Variants in CALCOCO1 observed in about 807,000 individuals in gnomAD.
CALCOCO1 encodes calcium-binding and coiled-coil domain-containing protein 1.
In CALCOCO1, 44 loss-of-function variants were observed where a neutral mutation model predicts 86.3. The observed-to-expected ratio is 0.51, with a 90% confidence interval of 0.40 to 0.66. The LOEUF (loss-of-function observed/expected upper bound fraction) is 0.66, where lower values mean the gene tolerates loss of function less well. Ranked by LOEUF, CALCOCO1 falls within the 30% of genes least tolerant of loss-of-function variation. CALCOCO1 has a pLI of 0.00. For synonymous variants in CALCOCO1, 297 were observed against 327.6 expected (o/e 0.91, Z 1.01); for missense variants, 708 against 851.1 (o/e 0.83, Z 2.09).
At chr12:53,717,626 A>G (rs1319372084) in intron 7 of CALCOCO1, among the ~76,000 whole-genome samples, 1 of 152,284 alleles carries the variant, frequency 6.6e-6, no homozygotes, top group East Asian at 1.9e-4. Context: ...TTTTTTAACA[A>G]TCTTCCACAT....
intron 13 of CALCOCO1, 117 bp downstream of exon 13, chr12:53,713,584 T>G: frequency 1.0e-6 from 1 of 973,050 alleles, no homozygotes. Context: ...GAGGATCGCT[T>G]CAGCCCAGGA....
intron 9 of CALCOCO1, chr12:53,715,527 G>A (rs929461631): frequency 2.7e-6 from 2 of 736,208 alleles, no homozygotes; most frequent in Non-Finnish European, 4.4e-6. Flanking sequence ...ATCAGGAATG[G>A]GCATTATGGC....
At position 53,719,951 on chromosome 12, in the gene CALCOCO1, T is replaced by C. The variant is rs566327720; in HGVS notation, c.759-122A>G. On this transcript the variant is annotated intron_variant, in intron 6 of 14. Coordinates refer to ENST00000550804, the MANE Select transcript of CALCOCO1 (RefSeq NM_020898.3). ...CCCAGAGCTCCATTTCACTCTGGGA[T>C]GCATAAATCCCCAAGCCAGCTGATC... The C allele has an allele frequency of 1.4e-5, 8 of 590,684 alleles. No individual in the cohort carries two copies. The East Asian group carries it at 2.3e-4, about 17-fold the overall frequency. The allele number at this position is 590,684 out of a possible 1,614,324, so 36.6% of individuals were successfully genotyped here. A position where few individuals can be genotyped will look rare whatever the true frequency, so the allele number is the denominator to read the frequency against.
At chr12:53,717,471 A>G (rs1159512051) in intron 7 of CALCOCO1, among the ~76,000 whole-genome samples, 1 of 152,236 alleles carries the variant, frequency 6.6e-6, no homozygotes, top group African/African-American at 2.4e-5. Flanking sequence ...CCTAGGCCTT[A>G]TCTCAAACAC....
rs893895853 is a variant in CALCOCO1 at position 53,719,622 on chromosome 12, A to G, written c.849+117T>C. ...TTTAGGTATATGTCTTATGTTCCCT[A>G]GTAGAGTGCACACAATGTCTTCTTT... On this transcript the variant is annotated intron_variant, in intron 7 of 14. Coordinates refer to ENST00000550804, the MANE Select transcript of CALCOCO1 (RefSeq NM_020898.3). 10 of 710,624 alleles carry G rather than the reference A, an allele frequency of 1.4e-5. No homozygotes were observed. The African/African-American group carries it at 1.6e-4, about 11-fold the overall frequency. 44.0% of individuals were successfully genotyped at this position (710,624 alleles called of 1,614,324 possible).
At position 53,713,103 on chromosome 12, in the gene CALCOCO1, G is replaced by A. The variant is rs1285119567; in HGVS notation, c.1895C>T (p.Ala632Val). Residue 632 changes from alanine to valine, a missense_variant, in exon 14 of 15, where the codon GCC becomes GTC. Transcript: ENST00000550804. ...PELGSAFYDM[A>V]SGFTVGTLSE... ...TGGCCTTGCTGGTTGAACTCACCTG[G>A]CCATGTCATAGAAGGCACTGCCCAG... 1 of 1,613,528 alleles carries A rather than the reference G, an allele frequency of 6.2e-7. No homozygotes were observed. The highest frequency in any genetic ancestry group is 8.5e-7 in the Non-Finnish European group (1 of 1,179,572).
chr12:53,717,488 C>T (rs1269008395), intron 7 of CALCOCO1, among the ~76,000 whole-genome samples: 3 of 152,218 alleles, frequency 2.0e-5, no homozygotes, highest in Non-Finnish European at 2.9e-5. Flanking sequence ...ACACTTCACC[C>T]GCACATTCAA....
intron 7 of CALCOCO1, among the ~76,000 whole-genome samples, chr12:53,718,484 G>C (rs1014111581): frequency 2.0e-5 from 3 of 152,142 alleles, no homozygotes; most frequent in Non-Finnish European, 4.4e-5. Flanking sequence ...TGGGAGGAGA[G>C]GAAAGGGTTC....
At chr12:53,724,276 G>A (rs1349333104) in intron 3 of CALCOCO1, 1 of 376,580 alleles carries the variant, frequency 2.7e-6, no homozygotes, top group Admixed American at 3.6e-5. Flanking sequence ...GACACAGGGA[G>A]GTTATGTAAT....
Position 53,722,006 on chromosome 12 carries a change from T to C in CALCOCO1, c.609+19A>G. The C allele has an allele frequency of 1.2e-6, 2 of 1,611,708 alleles. No individual in the cohort carries two copies. The highest frequency in any genetic ancestry group is 2.2e-5 in the South Asian group (2 of 91,028). On this transcript the variant is annotated intron_variant, in intron 5 of 14. Transcript: ENST00000550804. The stretch of plus-strand genomic sequence containing the variant: ...GGGTGAGCAGCCAGGCCCTGTCCCC[T>C]ACCTGGCCCAGCTCCCACCTTGTAC...
rs763896609 is a variant in CALCOCO1 at position 53,714,284 on chromosome 12, G to A, written c.1483-43C>T. On this transcript the variant is annotated intron_variant, in intron 11 of 14. Transcript: ENST00000550804. The stretch of plus-strand genomic sequence containing the variant: ...AAAGGCAGGTGCTAGAGAATGGGAA[G>A]GTGCCAACCTTGCTAGCCTGCAGAA... 2.1e-6 allele frequency: 3 copies of A among 1,459,720 alleles called. No individual in the cohort carries two copies. In the South Asian group the frequency reaches 3.4e-5, roughly 17 times the overall value. 90.4% of individuals were successfully genotyped at this position (1,459,720 alleles called of 1,614,324 possible).
chr12:53,724,337 G>C, intron 3 of CALCOCO1: 4 of 398,400 alleles, frequency 1.0e-5, no homozygotes, highest in Non-Finnish European at 1.9e-5. Flanking sequence ...TTTGAACCCA[G>C]GTCTTTCCCT....
At chr12:53,715,605 A>G in intron 9 of CALCOCO1, 188 bp downstream of exon 9, 1 of 806,398 alleles carries the variant, frequency 1.2e-6, no homozygotes, top group Non-Finnish European at 1.9e-6. Flanking sequence ...CAGGATTGGG[A>G]TACCCCGGTT....
At position 53,708,867 on chromosome 12, in the gene CALCOCO1, G is replaced by C. The variant is rs1204993564; in HGVS notation, c.*3077C>G. 6.6e-6 allele frequency: 1 copy of C among 152,248 alleles called. No homozygotes were observed. Among genetic ancestry groups the C allele is most frequent in the Non-Finnish European group, 1.5e-5 (1 of 68,042 alleles). 9.4% of individuals were successfully genotyped at this position (152,248 alleles called of 1,614,324 possible). A position where few individuals can be genotyped will look rare whatever the true frequency, so the allele number is the denominator to read the frequency against. On this transcript the variant is annotated 3_prime_UTR_variant, in exon 15 of 15. Coordinates refer to ENST00000550804, the MANE Select transcript of CALCOCO1 (RefSeq NM_020898.3). ...TGGTATCCTTTGAGCTAGGAGGAAA[G>C]TAGTGTATGTTTTTGTGGAATGGTT...
chr12:53,712,124 A>G lies in CALCOCO1; in HGVS notation c.1899-3T>C. 1.3e-6 allele frequency: 2 copies of G among 1,594,550 alleles called. No homozygotes were observed. Among genetic ancestry groups the G allele is most frequent in the Middle Eastern group, 1.7e-4 (1 of 5,864 alleles). ...ACAGGGTACCCACTGTAAAGCCACTAAGAGAGACAGAGGGGAAAGGGAGAG... is the reference window on the plus strand; with the variant it reads ...ACAGGGTACCCACTGTAAAGCCACTGAGAGAGACAGAGGGGAAAGGGAGAG... On this transcript the variant is annotated splice_polypyrimidine_tract_variant and splice_region_variant and intron_variant, in intron 14 of 14. Transcript: ENST00000550804.
chr12:53,710,463 T>G lies in CALCOCO1; in HGVS notation c.*1481A>C, dbSNP rs1945524988. On this transcript the variant is annotated 3_prime_UTR_variant, in exon 15 of 15. Transcript: ENST00000550804. ...CGAGGGGGTTGTAGGCATGTGCTTG[T>G]GCAGGCCATTGCTGAGAGCCTTGGT... The G allele has an allele frequency of 6.5e-6, 1 of 152,684 alleles. No individual in the cohort carries two copies. Among genetic ancestry groups the G allele is most frequent in the Admixed American group, 6.5e-5 (1 of 15,276 alleles). 9.5% of individuals were successfully genotyped at this position (152,684 alleles called of 1,614,324 possible).
intron 1 of CALCOCO1, chr12:53,726,288 C>G (rs570593268): frequency 1.3e-5 from 2 of 152,268 alleles, no homozygotes; most frequent in African/African-American, 4.8e-5. Flanking sequence ...CTCTGCTCCC[C>G]TCAGCCTCCA....
At chr12:53,723,310 C>G (rs1945930286) in intron 4 of CALCOCO1, among the ~76,000 whole-genome samples, 1 of 152,190 alleles carries the variant, frequency 6.6e-6, no homozygotes, top group Non-Finnish European at 1.5e-5. Context: ...TTTGATCTTC[C>G]TCTAGGGCAT....
At chr12:53,722,936 G>C in intron 4 of CALCOCO1, 1 of 362,470 alleles carries the variant, frequency 2.8e-6, no homozygotes, top group Non-Finnish European at 5.2e-6. Context: ...ACAGAGCAAG[G>C]CTGTCTCAAA....
Sources: gnomAD v4.1 joint callset for allele counts (sites outside exome capture counted in the v4.1 genomes callset) on GRCh38, gnomAD v4.1.1 for gene constraint, MANE v1.5 for transcripts, NCBI Gene and HGNC (gene_info 2026-07-23, HGNC 2026-07-21) for gene names.